Variants in ADAMTSL3 observed in about 807,000 individuals in gnomAD.
The protein encoded by ADAMTSL3 is ADAMTS like 3.
Under a neutral mutation model 201.7 loss-of-function variants are expected in ADAMTSL3, and 128 were observed. That is an observed-to-expected ratio of 0.63 (90% CI 0.55 to 0.73). The LOEUF is 0.73. Ranked by LOEUF, ADAMTSL3 falls within the 30% of genes least tolerant of loss-of-function variation. ADAMTSL3 has a pLI of 0.00. For synonymous variants in ADAMTSL3, 738 were observed against 748.4 expected (o/e 0.99, Z 0.23); for missense variants, 1,990 against 2,119.6 (o/e 0.94, Z 1.20).
intron 23 of ADAMTSL3, among the ~76,000 whole-genome samples, chr15:84,002,129 A>G (rs928785086): frequency 6.6e-6 from 1 of 152,164 alleles, no homozygotes; most frequent in African/African-American, 2.4e-5. Flanking sequence ...TCAGTTTCTC[A>G]TGTGGTGAAA....
At chr15:84,000,189 G>T (rs949852763) in intron 23 of ADAMTSL3, among the ~76,000 whole-genome samples, 5 of 152,030 alleles carry the variant, frequency 3.3e-5, no homozygotes, top group Non-Finnish European at 7.4e-5. Context: ...GGACATTTTG[G>T]TGCTTTTGAC....
intron 8 of ADAMTSL3, 50 bp from the exon 9 acceptor site, chr15:83,870,752 A>G: frequency 1.4e-6 from 2 of 1,452,798 alleles, no homozygotes. Flanking sequence ...CTTTTGTAAT[A>G]AAATACCTTT....
chr15:83,928,065 T>C (rs1005666407), intron 17 of ADAMTSL3, among the ~76,000 whole-genome samples: 2 of 152,018 alleles, frequency 1.3e-5, no homozygotes, highest in Admixed American at 6.6e-5. Flanking sequence ...AGCCTTGAAC[T>C]TCTGGGGTCA....
chr15:83,819,460 G>A (rs979464381), intron 5 of ADAMTSL3, among the ~76,000 whole-genome samples: 1 of 152,058 alleles, frequency 6.6e-6, no homozygotes, highest in African/African-American at 2.4e-5. Context: ...TTAAAAGGAA[G>A]GAGATTAGAT....
chr15:83,770,923 C>T (rs1190460940), intron 3 of ADAMTSL3, among the ~76,000 whole-genome samples: 5 of 151,990 alleles, frequency 3.3e-5, no homozygotes, highest in African/African-American at 7.3e-5. Context: ...AAAAATTAGC[C>T]GGGTGTGGTG....
intron 4 of ADAMTSL3, among the ~76,000 whole-genome samples, chr15:83,779,237 C>T (rs1168006122): frequency 2.0e-5 from 3 of 152,032 alleles, no homozygotes; most frequent in Non-Finnish European, 4.4e-5. Flanking sequence ...TATTCAGGAC[C>T]TGAACTCAGC....
intron 4 of ADAMTSL3, among the ~76,000 whole-genome samples, chr15:83,801,651 AATATATATATATAT>A (rs68098545): frequency 3.2e-3 from 101 of 31,270 alleles, no homozygotes; most frequent in Non-Finnish European, 5.6e-3. Flanking sequence ...TATAAATATA[AATATATATATATAT>A]ATATATATAT....
intron 6 of ADAMTSL3, among the ~76,000 whole-genome samples, chr15:83,827,930 A>G (rs147820682): frequency 0.1 from 15,365 of 152,174 alleles, 991 homozygotes; most frequent in East Asian, 0.32. Context: ...GCCTTGTAGT[A>G]TAGTTTGAAG....
rs1478600157 is a variant in ADAMTSL3, at chr15:83,867,548, C to A, written c.803-3254C>A. ...TTGGAAGAATATTTTCCCTTTAAGC[C>A]CTATCTGAGGACCATATATAGAGAT... is the stretch of plus-strand genomic sequence containing the variant. On this transcript the variant is annotated intron_variant, in intron 8 of 29. Coordinates refer to ENST00000286744, the MANE Select transcript of ADAMTSL3 (RefSeq NM_207517.3). 3.3e-5 allele frequency among the ~76,000 whole-genome samples: 5 copies of A among 152,216 alleles called. No homozygotes were observed. The Middle Eastern group carries it at 0.014, about 414-fold the overall frequency.
intron 8 of ADAMTSL3, among the ~76,000 whole-genome samples, chr15:83,870,156 A>G (rs1399517848): frequency 1.3e-5 from 2 of 152,196 alleles, no homozygotes; most frequent in African/African-American, 2.4e-5. Context: ...TTCATGCACA[A>G]GGGAGGTCTT....
chr15:83,730,690 T>C (rs754516144), intron 3 of ADAMTSL3, among the ~76,000 whole-genome samples: 1 of 152,062 alleles, frequency 6.6e-6, no homozygotes, highest in African/African-American at 2.4e-5. Context: ...TTCTCAGATA[T>C]ATGGTTTGCA....
chr15:83,657,577 T>G (rs901362033), intron 2 of ADAMTSL3, among the ~76,000 whole-genome samples: 7 of 152,280 alleles, frequency 4.6e-5, no homozygotes, highest in Non-Finnish European at 7.3e-5. Flanking sequence ...TTGGAAGAGT[T>G]AATCCATTGT....
intron 2 of ADAMTSL3, among the ~76,000 whole-genome samples, chr15:83,667,803 A>C (rs1595993288): frequency 6.6e-6 from 1 of 152,190 alleles, no homozygotes; most frequent in South Asian, 2.1e-4. Flanking sequence ...CATTTGTACA[A>C]AACAGCCTCC....
At chr15:83,992,691 G>A (rs1292911816) in intron 23 of ADAMTSL3, among the ~76,000 whole-genome samples, 1 of 152,214 alleles carries the variant, frequency 6.6e-6, no homozygotes, top group Non-Finnish European at 1.5e-5. Context: ...AAAAGGATTG[G>A]AGTGCATTAT....
At chr15:83,973,207 T>C (rs1490224284) in intron 20 of ADAMTSL3, among the ~76,000 whole-genome samples, 1 of 152,164 alleles carries the variant, frequency 6.6e-6, no homozygotes, top group Admixed American at 6.5e-5. Flanking sequence ...ACTTCCTCAC[T>C]ACTTGGCACT....
chr15:83,696,015 T>C (rs2141475136), intron 2 of ADAMTSL3, among the ~76,000 whole-genome samples: 1 of 152,218 alleles, frequency 6.6e-6, no homozygotes, highest in South Asian at 2.1e-4. Context: ...AACTGTAAAG[T>C]CCCATGTGCC....
chr15:84,034,744 T>C (rs1181563051), intron 28 of ADAMTSL3, among the ~76,000 whole-genome samples: 1 of 152,174 alleles, frequency 6.6e-6, no homozygotes, highest in Non-Finnish European at 1.5e-5. Flanking sequence ...AGGCTTGGGA[T>C]CTACTGCCGT....
chr15:83,824,170 C>T (rs187435685), intron 6 of ADAMTSL3, among the ~76,000 whole-genome samples: 5 of 151,722 alleles, frequency 3.3e-5, no homozygotes, highest in Non-Finnish European at 7.4e-5. Context: ...CAGCCTCCCA[C>T]GTAGCTGGGA....
intron 3 of ADAMTSL3, among the ~76,000 whole-genome samples, chr15:83,734,403 T>C (rs889205764): frequency 2.7e-5 from 4 of 148,026 alleles, no homozygotes; most frequent in African/African-American, 1.1e-4. Context: ...TTAACTTTTT[T>C]GTTTTAAATT....
Sources: allele counts gnomAD v4.1 joint callset (sites outside exome capture counted in the v4.1 genomes callset), GRCh38; gene constraint gnomAD v4.1.1; transcripts MANE v1.5; gene names NCBI Gene and HGNC (gene_info 2026-07-23, HGNC 2026-07-21).